MGAT4A: variants seen among roughly 807,000 people sequenced by gnomAD.
MGAT4A encodes N-acetylglucosaminyltransferase IVa.
A neutral mutation model predicts 74.1 loss-of-function variants in MGAT4A; 33 were observed. The ratio of observed to expected loss-of-function variants is 0.45; its 90% CI spans 0.34 to 0.60. The LOEUF (loss-of-function observed/expected upper bound fraction) is 0.60. MGAT4A is among the 20% of genes least tolerant of loss of function. MGAT4A has a pLI of 0.02. For missense variants in MGAT4A, 479 were observed against 628.3 expected (o/e 0.76, Z 2.54); for synonymous variants, 198 against 210.4 (o/e 0.94, Z 0.51).
chr2:98,698,521 T>G (rs758208104), intron 2 of MGAT4A, among the ~76,000 whole-genome samples: 7 of 152,212 alleles, frequency 4.6e-5, no homozygotes, highest in Admixed American at 1.3e-4. Context: ...GATCCCAGTA[T>G]CAACGCTCCT....
rs774632282 is a variant in MGAT4A, at chr2:98,645,567, T to C, written c.775-25A>G. On this transcript the variant is annotated intron_variant, in intron 8 of 15. Transcript: ENST00000393487. Reference sequence around the variant, plus strand: ...GCTAGAGAAAATTGAACAATCATATTAATACATCAAAAAAAGAAAGGTATT... The same window carrying C: ...GCTAGAGAAAATTGAACAATCATATCAATACATCAAAAAAAGAAAGGTATT... 3.4e-6 allele frequency: 5 copies of C among 1,453,936 alleles called. No homozygotes were observed. In the African/African-American group the frequency reaches 7.2e-5, roughly 21 times the overall value. 90.1% of individuals were successfully genotyped at this position (1,453,936 alleles called of 1,614,324 possible).
At chr2:98,718,898 T>G (rs1479775955) in intron 2 of MGAT4A, among the ~76,000 whole-genome samples, 5 of 152,164 alleles carry the variant, frequency 3.3e-5, no homozygotes, top group African/African-American at 1.2e-4. Context: ...CCCCTCCACT[T>G]AGTGCTCAGC....
chr2:98,683,209 C>T (rs1266672338), intron 2 of MGAT4A, among the ~76,000 whole-genome samples: 1 of 152,118 alleles, frequency 6.6e-6, no homozygotes, highest in African/African-American at 2.4e-5. Context: ...AAAGCGCTGT[C>T]CTGGACTGGA....
intron 14 of MGAT4A, among the ~76,000 whole-genome samples, chr2:98,628,288 CAAA>C (rs1167633587): frequency 1.3e-5 from 2 of 152,214 alleles, no homozygotes; most frequent in Non-Finnish European, 2.9e-5. Flanking sequence ...GAAAAACACT[CAAA>C]ATAATCTGCT....
At position 98,716,430 on chromosome 2, in the gene MGAT4A, C is replaced by A. The variant is rs371709684; in HGVS notation, c.94+9809G>T. ...GTCAGGAGTTTGAGACCAGCCTGGA[C>A]AACATAGAGAAACTCTGTCTCTACT... On this transcript the variant is annotated intron_variant, in intron 2 of 15. Coordinates refer to ENST00000393487, the MANE Select transcript of MGAT4A (RefSeq NM_012214.3). Among the ~76,000 whole-genome samples, 7 of 152,276 alleles carry A rather than the reference C, an allele frequency of 4.6e-5. No individual in the cohort carries two copies. In the East Asian group the frequency reaches 1.4e-3, roughly 29 times the overall value.
chr2:98,695,755 G>A (rs915286585), intron 2 of MGAT4A, among the ~76,000 whole-genome samples: 1 of 151,996 alleles, frequency 6.6e-6, no homozygotes. Context: ...AAAAACTTAT[G>A]TAGAGGACAT....
At chr2:98,646,139 A>G (rs1397071412) in intron 8 of MGAT4A, among the ~76,000 whole-genome samples, 1 of 152,240 alleles carries the variant, frequency 6.6e-6, no homozygotes, top group African/African-American at 2.4e-5. Context: ...CTATAATTTT[A>G]TTATAACCCT....
Position 98,678,357 on chromosome 2 carries a change from T to C in MGAT4A, c.209A>G (p.Lys70Arg). Residue 70 changes from lysine (K) to arginine (R), a missense_variant, in exon 3 of 16, where the codon AAG becomes AGG. Coordinates refer to ENST00000393487, the MANE Select transcript of MGAT4A (RefSeq NM_012214.3). ...SELNTIVQQF[K>R]RVGAETNGSK... The stretch of plus-strand genomic sequence containing the variant: ...TCCATTTGTTTCTGCTCCTACACGC[T>C]TGAACTGTTGCACAATCGTATTTAA... The C allele has an allele frequency of 1.3e-6, 2 of 1,560,000 alleles. No homozygotes were observed. The highest frequency in any genetic ancestry group is 1.7e-6 in the Non-Finnish European group (2 of 1,145,700).
At chr2:98,638,125 G>A (rs1011773983) in intron 12 of MGAT4A, among the ~76,000 whole-genome samples, 2 of 152,036 alleles carry the variant, frequency 1.3e-5, no homozygotes. Flanking sequence ...TGATTGTTGA[G>A]GGAAAAAGCA....
chr2:98,679,771 C>T (rs867608718), intron 2 of MGAT4A, among the ~76,000 whole-genome samples: 5 of 152,166 alleles, frequency 3.3e-5, no homozygotes, highest in Middle Eastern at 6.8e-3. Context: ...TGAGGATAAA[C>T]GTAGGCATTG....
intron 4 of MGAT4A, 142 bp from the exon 5 acceptor site, chr2:98,663,321 T>C (rs867505861): frequency 2.0e-6 from 3 of 1,525,662 alleles, no homozygotes; most frequent in Non-Finnish European, 2.6e-6. Context: ...GGAAGAAAAA[T>C]AAAGAATACA....
intron 2 of MGAT4A, among the ~76,000 whole-genome samples, chr2:98,725,327 C>T (rs1463559024): frequency 1.3e-5 from 2 of 151,964 alleles, no homozygotes; most frequent in East Asian, 3.9e-4. Context: ...TATACATGCA[C>T]ATACAGATAT....
At chr2:98,689,118 GT>G (rs1246268478) in intron 2 of MGAT4A, among the ~76,000 whole-genome samples, 1 of 152,132 alleles carries the variant, frequency 6.6e-6, no homozygotes, top group East Asian at 1.9e-4. Context: ...TCATCTTTTA[GT>G]TTTCTTATTG....
In MGAT4A at chr2:98,622,509, A is replaced by C. The variant is rs1283606594; in HGVS notation, c.*3057T>G. ...TGGTAAAATGATTCGGCGCCCTCTC[A>C]AGGCAAAGTATTTACCTTCTTCCAG... On this transcript the variant is annotated 3_prime_UTR_variant, in exon 16 of 16. Transcript: ENST00000393487. 2.0e-6 allele frequency: 2 copies of C among 985,418 alleles called. No individual in the cohort carries two copies. Among genetic ancestry groups the C allele is most frequent in the Non-Finnish European group, 2.4e-6 (2 of 829,938 alleles). The allele number at this position is 985,418 out of a possible 1,614,324, so 61.0% of individuals were successfully genotyped here.
rs1702141167 is a variant in MGAT4A at position 98,687,130 on chromosome 2, T to G, written c.95-8659A>C. Among the ~76,000 whole-genome samples the G allele has an allele frequency of 3.3e-5, 5 of 152,338 alleles. No individual in the cohort carries two copies. In the South Asian group the frequency reaches 1.0e-3, roughly 32 times the overall value. On this transcript the variant is annotated intron_variant, in intron 2 of 15. Coordinates refer to ENST00000393487, the MANE Select transcript of MGAT4A (RefSeq NM_012214.3). ...AAAGTTACTGGGAGACACTTCTTCA[T>G]AAAGGTGTATTTCATTCTAAAAGGA...
chr2:98,631,500 CCT>C (rs758713633), intron 14 of MGAT4A, among the ~76,000 whole-genome samples: 26 of 152,348 alleles, frequency 1.7e-4, no homozygotes, highest in African/African-American at 5.3e-4. Flanking sequence ...CTATAAAAGC[CCT>C]GAGACCCTAG....
rs772948957 is a variant in MGAT4A, at chr2:98,643,941, G to T, written c.1002C>A (p.Cys334Ter). Reference sequence around the variant, plus strand: ...AACTTACTGCATCTTTTTCAGGGTTGCAGACTTTCACCCAGAGAATATGGT... The same window carrying T: ...AACTTACTGCATCTTTTTCAGGGTTTCAGACTTTCACCCAGAGAATATGGT... ...LLDHILWVKV[C>*]NPEKDAKHCD... The change falls in exon 10 of 16, where the codon TGC becomes TGA. Residue 334 changes from cysteine to a stop codon, truncating the protein, a stop_gained. Coordinates refer to ENST00000393487, the MANE Select transcript of MGAT4A (RefSeq NM_012214.3). LOFTEE classifies it high-confidence loss of function. 2 of 1,566,154 alleles carry T rather than the reference G, an allele frequency of 1.3e-6. No individual in the cohort carries two copies. Among genetic ancestry groups the T allele is most frequent in the Non-Finnish European group, 1.7e-6 (2 of 1,149,838 alleles).
intron 2 of MGAT4A, among the ~76,000 whole-genome samples, chr2:98,719,205 C>T (rs1366856013): frequency 6.6e-6 from 1 of 152,046 alleles, no homozygotes; most frequent in African/African-American, 2.4e-5. Context: ...ACCTTAGAAA[C>T]TATTTCTTCA....
chr2:98,673,809 A>G (rs1416666802), intron 4 of MGAT4A, among the ~76,000 whole-genome samples: 2 of 152,230 alleles, frequency 1.3e-5, no homozygotes, highest in Non-Finnish European at 2.9e-5. Flanking sequence ...CAACTACTTA[A>G]GACATCTTAC....
Sources: allele counts gnomAD v4.1 joint callset (sites outside exome capture counted in the v4.1 genomes callset), GRCh38; gene constraint gnomAD v4.1.1; transcripts MANE v1.5; gene names NCBI Gene and HGNC (gene_info 2026-07-23, HGNC 2026-07-21).